The following TAF1D variants were observed in gnomAD, a reference collection of about 807,000 sequenced individuals.
The protein encoded by TAF1D is TATA box-binding protein-associated factor RNA polymerase I subunit D.
TAF1D carries 23 observed loss-of-function variants against 26.2 expected under a neutral mutation model. The observed-to-expected ratio is 0.88, with a 90% CI of 0.63 to 1.25. TAF1D has a LOEUF of 1.25. TAF1D is among the 50% of genes most tolerant of loss of function. TAF1D has a pLI of 0.00. For synonymous variants in TAF1D, 100 were observed against 105.6 expected (o/e 0.95, Z 0.33); for missense variants, 299 against 322.0 (o/e 0.93, Z 0.55).
intron 1 of TAF1D, among the ~76,000 whole-genome samples, chr11:93,740,253 A>G (rs2135534237): frequency 6.6e-6 from 1 of 151,826 alleles, no homozygotes; most frequent in Admixed American, 6.6e-5. Flanking sequence ...AGTGAGCCTC[A>G]GCAACACAAG....
downstream of TAF1D, chr11:93,735,234 G>C (rs756321474): frequency 7.4e-7 from 1 of 1,349,586 alleles, no homozygotes; most frequent in East Asian, 4.6e-5. Context: ...ATACATAAGT[G>C]CAGTCCCAAA....
chr11:93,741,006 G>A (rs1389738081), intron 1 of TAF1D, among the ~76,000 whole-genome samples: 1 of 152,208 alleles, frequency 6.6e-6, no homozygotes, highest in Non-Finnish European at 1.5e-5. Context: ...GCAGAAAACC[G>A]GCGCGAGTAA....
intron 4 of TAF1D, 93 bp from the exon 5 acceptor site, chr11:93,736,844 A>T (rs1940906095): frequency 1.5e-6 from 2 of 1,379,076 alleles, no homozygotes; most frequent in African/African-American, 2.9e-5. Flanking sequence ...AAACTGCAAT[A>T]CTAGTCAAAG....
At chr11:93,730,498 T>C in exon 12 of TAF1D, 2 of 743,286 alleles carry the variant, frequency 2.7e-6, no homozygotes, top group Non-Finnish European at 4.9e-6. Flanking sequence ...ATGGCAACAA[T>C]CCTGGATTAT....
chr11:93,740,488 G>GA (rs1377324077), intron 1 of TAF1D, among the ~76,000 whole-genome samples: 1 of 102,980 alleles, frequency 9.7e-6, no homozygotes, highest in Admixed American at 1.0e-4. Context: ...AAAAATTAAA[G>GA]ATAACTACTT....
downstream of TAF1D, chr11:93,735,172 G>A (rs769871289): frequency 1.5e-6 from 2 of 1,351,716 alleles, no homozygotes; most frequent in African/African-American, 3.0e-5. Flanking sequence ...TTGCAAAAGA[G>A]GATTTATTTT....
At chr11:93,730,560 T>TATAG (rs34898352) in exon 12 of TAF1D, 2 of 638,266 alleles carry the variant, frequency 3.1e-6, no homozygotes, top group Admixed American at 3.6e-5. Flanking sequence ...AGGAGTGCTA[T>TATAG]GGCTTCCTAT....
At chr11:93,736,886 G>GAAACAC in intron 4 of TAF1D, 135 bp from the exon 5 acceptor site, 2 of 1,146,724 alleles carry the variant, frequency 1.7e-6, no homozygotes, top group Non-Finnish European at 2.4e-6. Flanking sequence ...TTGTGTTCTG[G>GAAACAC]AGAATTCTAG....
At chr11:93,730,715 A>G, downstream of TAF1D, 1 of 506,564 alleles carries the variant, frequency 2.0e-6, no homozygotes, top group Non-Finnish European at 3.9e-6. Context: ...TGTCAGCCCT[A>G]CATAACAATA....
chr11:93,739,353 A>G (rs1941339431), intron 1 of TAF1D, 22 bp from the exon 2 acceptor site: 1 of 1,536,246 alleles, frequency 6.5e-7, no homozygotes. Context: ...AAATTTAGTA[A>G]ATATGACAAA....
At chr11:93,737,666 G>A (rs1219140219) in intron 3 of TAF1D, among the ~76,000 whole-genome samples, 1 of 152,116 alleles carries the variant, frequency 6.6e-6, no homozygotes, top group Non-Finnish European at 1.5e-5. Context: ...ATTTAAAAAA[G>A]TCTACTCCTA....
chr11:93,735,736 T>C lies in TAF1D; in HGVS notation c.*425A>G. 9.7e-7 allele frequency: 1 copy of C among 1,035,946 alleles called. No individual in the cohort carries two copies. Among genetic ancestry groups the C allele is most frequent in the Non-Finnish European group, 1.2e-6 (1 of 861,658 alleles). The allele number at this position is 1,035,946 out of a possible 1,614,324, so 64.2% of individuals were successfully genotyped here. On this transcript the variant is annotated 3_prime_UTR_variant, in exon 6 of 6. Coordinates refer to ENST00000448108, the MANE Select transcript of TAF1D (RefSeq NM_024116.4). The stretch of plus-strand genomic sequence containing the variant: ...TGAGGTTATTACAATACTAAGCATC[T>C]GACAGGTCACTTGTCATGGCTGAAC...
chr11:93,737,118 C>T lies in TAF1D; in HGVS notation c.581G>A (p.Arg194His), dbSNP rs774649769. 3 of 1,611,616 alleles carry T rather than the reference C, an allele frequency of 1.9e-6. No individual in the cohort carries two copies. Among genetic ancestry groups the T allele is most frequent in the Admixed American group, 1.7e-5 (1 of 59,650 alleles). ...EDLENEDFDS[R>H]RYKFLDDDGS... is the part of the protein sequence containing the mutation. ...ATCATCATCCAAAAATTTGTATCTA[C>T]GACTGTCAAAATCTTCATTTTCTAA... Residue 194 changes from arginine (R) to histidine (H), a missense_variant, in exon 4 of 6, where the codon CGT becomes CAT. By Grantham distance (29) the Arg-to-His change is conservative. Coordinates refer to ENST00000448108, the MANE Select transcript of TAF1D (RefSeq NM_024116.4).
At chr11:93,734,339 T>C (rs974654885), downstream of TAF1D, 4 of 234,114 alleles carry the variant, frequency 1.7e-5, no homozygotes, top group African/African-American at 6.8e-5. Flanking sequence ...TCATTTTAGA[T>C]TGTGCATTAA....
chr11:93,730,743 A>G (rs1938483026), downstream of TAF1D: 1 of 471,872 alleles, frequency 2.1e-6, no homozygotes, highest in South Asian at 1.6e-5. Context: ...AGTAAATTTT[A>G]CATTTCCAGA....
At chr11:93,740,773 T>G (rs1392012397) in intron 1 of TAF1D, among the ~76,000 whole-genome samples, 2 of 152,226 alleles carry the variant, frequency 1.3e-5, no homozygotes, top group Non-Finnish European at 2.9e-5. Flanking sequence ...CCCCCATGCT[T>G]TAACGGTATA....
At chr11:93,736,775 G>A (rs200076635) in intron 4 of TAF1D, 24 bp from the exon 5 acceptor site, 21 of 1,595,620 alleles carry the variant, frequency 1.3e-5, no homozygotes, top group East Asian at 6.8e-5. Flanking sequence ...ATTTATCATC[G>A]AGATGACAGA....
chr11:93,731,649 C>G, downstream of TAF1D: 1 of 482,788 alleles, frequency 2.1e-6, no homozygotes, highest in Non-Finnish European at 4.1e-6. Flanking sequence ...ATAGATGTTG[C>G]AATAGCATTG....
downstream of TAF1D, chr11:93,733,510 GAGTAA>G: frequency 1.9e-6 from 1 of 518,870 alleles, no homozygotes; most frequent in Non-Finnish European, 3.8e-6. Flanking sequence ...ATAGTCCTGT[GAGTAA>G]AGTAAAACCA....
Sources: gnomAD v4.1 joint callset for allele counts (sites outside exome capture counted in the v4.1 genomes callset) on GRCh38, gnomAD v4.1.1 for gene constraint, MANE v1.5 for transcripts, NCBI Gene and HGNC (gene_info 2026-07-23, HGNC 2026-07-21) for gene names.